CNTN5: variants seen among roughly 807,000 people sequenced by gnomAD.
CNTN5 encodes the protein contactin-5.
CNTN5 carries 77 observed loss-of-function variants against 129.1 expected under a neutral mutation model. The ratio of observed to expected loss-of-function variants is 0.60; its 90% CI spans 0.50 to 0.72. The LOEUF (loss-of-function observed/expected upper bound fraction) is 0.72. Among genes scored for constraint, CNTN5 ranks in the 30% least tolerant of loss-of-function variants. The pLI is 0.00. For missense variants in CNTN5, 1,478 were observed against 1,328.8 expected, an observed-to-expected ratio of 1.11 and a Z score of -1.75; for synonymous variants, 509 against 465.6, an observed-to-expected ratio of 1.09 and a Z score of -1.20.
intron 13 of CNTN5, among the ~76,000 whole-genome samples, chr11:100,151,521 G>C (rs1947055861): frequency 6.6e-6 from 1 of 152,056 alleles, no homozygotes; most frequent in Non-Finnish European, 1.5e-5. Flanking sequence ...ATTCTTTTTA[G>C]AATGCTTCTG....
intron 6 of CNTN5, among the ~76,000 whole-genome samples, chr11:99,914,261 A>C (rs978025637): frequency 6.6e-6 from 1 of 152,058 alleles, no homozygotes; most frequent in African/African-American, 2.4e-5. Context: ...TCCTGCCACA[A>C]CCACTGCCTA....
chr11:99,122,725 C>T (rs1858408544), intron 1 of CNTN5, among the ~76,000 whole-genome samples: 1 of 151,990 alleles, frequency 6.6e-6, no homozygotes, highest in African/African-American at 2.4e-5. Context: ...TACAACTAGG[C>T]TGCAATGTCT....
chr11:99,932,841 C>T (rs1302234487), intron 7 of CNTN5, among the ~76,000 whole-genome samples: 8 of 152,194 alleles, frequency 5.3e-5, no homozygotes, highest in African/African-American at 1.9e-4. Flanking sequence ...CCCCCTGCTT[C>T]CTCATTAGCA....
intron 3 of CNTN5, among the ~76,000 whole-genome samples, chr11:99,710,107 A>G (rs2134944964): frequency 6.6e-6 from 1 of 151,830 alleles, no homozygotes; most frequent in Middle Eastern, 3.4e-3. Flanking sequence ...CAGAGTTGCT[A>G]ATTTTATCCC....
intron 6 of CNTN5, among the ~76,000 whole-genome samples, chr11:99,912,308 GT>G (rs1395843411): frequency 2.0e-5 from 3 of 152,044 alleles, no homozygotes; most frequent in African/African-American, 7.2e-5. Context: ...TTCATGGTAT[GT>G]TTTTGGTCAC....
intron 13 of CNTN5, among the ~76,000 whole-genome samples, chr11:100,184,019 C>G (rs576838218): frequency 6.6e-6 from 1 of 152,252 alleles, no homozygotes; most frequent in South Asian, 2.1e-4. Flanking sequence ...CTTTCCCACA[C>G]TGAAGGATAA....
chr11:100,208,468 G>C (rs745547521), intron 15 of CNTN5, among the ~76,000 whole-genome samples: 2 of 152,114 alleles, frequency 1.3e-5, no homozygotes, highest in Non-Finnish European at 2.9e-5. Flanking sequence ...AAAGATCTCA[G>C]GGTTCTAAGA....
In CNTN5 at chr11:99,474,993, T is replaced by C. The variant is rs1162594973; in HGVS notation, c.-70-81152T>C. On this transcript the variant is annotated intron_variant, in intron 2 of 24. Coordinates refer to ENST00000524871, the MANE Select transcript of CNTN5 (RefSeq NM_014361.4). ...TAACAGTTTTAAGAGGTGGGTCTTA[T>C]AAGAAGTGACTAGACCATGTAAGAT... Among the ~76,000 whole-genome samples, 3 of 152,268 alleles carry C rather than the reference T, an allele frequency of 2.0e-5. No individual in the cohort carries two copies. In the East Asian group the frequency reaches 5.8e-4, roughly 29 times the overall value.
At chr11:100,298,160 A>G (rs1211467967) in intron 19 of CNTN5, among the ~76,000 whole-genome samples, 1 of 151,410 alleles carries the variant, frequency 6.6e-6, no homozygotes, top group Non-Finnish European at 1.5e-5. Flanking sequence ...GAGATCTTAG[A>G]ATATATAGAA....
At chr11:100,016,774 A>C (rs578138027) in intron 9 of CNTN5, among the ~76,000 whole-genome samples, 2 of 151,986 alleles carry the variant, frequency 1.3e-5, no homozygotes, top group East Asian at 3.9e-4. Flanking sequence ...ATTGAGAATG[A>C]ATATGCCGAG....
At chr11:100,177,557 C>T (rs915602153) in intron 13 of CNTN5, among the ~76,000 whole-genome samples, 1 of 152,090 alleles carries the variant, frequency 6.6e-6, no homozygotes, top group African/African-American at 2.4e-5. Flanking sequence ...CACTTCCAGC[C>T]ATTCAGTGAA....
At chr11:99,545,532 T>G (rs1948262093) in intron 2 of CNTN5, among the ~76,000 whole-genome samples, 1 of 152,202 alleles carries the variant, frequency 6.6e-6, no homozygotes, top group African/African-American at 2.4e-5. Flanking sequence ...TTTATTTCTC[T>G]TGCTAGAGAC....
At chr11:99,663,919 A>G (rs1952690309) in intron 3 of CNTN5, among the ~76,000 whole-genome samples, 1 of 152,184 alleles carries the variant, frequency 6.6e-6, no homozygotes, top group African/African-American at 2.4e-5. Context: ...TGTCCTTTTA[A>G]TAGCAATCAA....
chr11:99,229,868 G>T (rs1860896001), intron 1 of CNTN5, among the ~76,000 whole-genome samples: 1 of 151,882 alleles, frequency 6.6e-6, no homozygotes, highest in African/African-American at 2.4e-5. Flanking sequence ...CTTTAAAAAA[G>T]AGTATCTGTC....
chr11:99,338,450 G>GT (rs1171034143), intron 2 of CNTN5, among the ~76,000 whole-genome samples: 9 of 152,298 alleles, frequency 5.9e-5, no homozygotes, highest in African/African-American at 2.2e-4. Context: ...AGAATGAGGG[G>GT]TGGAGAATGT....
intron 1 of CNTN5, among the ~76,000 whole-genome samples, chr11:99,040,769 T>C (rs1190327368): frequency 6.6e-6 from 1 of 152,158 alleles, no homozygotes; most frequent in Non-Finnish European, 1.5e-5. Context: ...ATATCAATTT[T>C]TAAATGTTTT....
chr11:99,743,513 C>T (rs913468127), intron 3 of CNTN5, among the ~76,000 whole-genome samples: 5 of 152,092 alleles, frequency 3.3e-5, no homozygotes, highest in Admixed American at 1.3e-4. Flanking sequence ...GTTTCTTTAC[C>T]TATAAATTGC....
rs550501632 is a variant in CNTN5 at position 99,990,453 on chromosome 11, T to TACACACACACACACAC, written c.878-11580_878-11579insCACACACACACACACA. Among the ~76,000 whole-genome samples, 676 of 144,026 alleles carry TACACACACACACACAC rather than the reference T, an allele frequency of 4.7e-3. 7 individuals carry two copies. Among genetic ancestry groups the TACACACACACACACAC allele is most frequent in the African/African-American group, 0.016 (598 of 38,146 alleles). The allele number at this position is 144,026 out of a possible 152,430, so 94.5% of individuals were successfully genotyped here. On this transcript the variant is annotated intron_variant, in intron 8 of 24. Coordinates refer to ENST00000524871, the MANE Select transcript of CNTN5 (RefSeq NM_014361.4). ...TTCCCTTATTTTTAGAATATATATA[T>TACACACACACACACAC]ATACACACACACACACACACACACA...
chr11:99,043,848 C>T lies in CNTN5; in HGVS notation c.-210+22578C>T, dbSNP rs1432331522. Among the ~76,000 whole-genome samples, 4 of 152,116 alleles carry T rather than the reference C, an allele frequency of 2.6e-5. No homozygotes were observed. The East Asian group carries it at 7.7e-4, about 29-fold the overall frequency. On this transcript the variant is annotated intron_variant, in intron 1 of 24. Transcript: ENST00000524871. ...ATTCTGCCAGCATTGATTCAGAATGCCACCTGTAGTAGCCTGGCCTCTGTA... is the reference window on the plus strand; with the variant it reads ...ATTCTGCCAGCATTGATTCAGAATGTCACCTGTAGTAGCCTGGCCTCTGTA...
Sources: allele counts gnomAD v4.1 joint callset (sites outside exome capture counted in the v4.1 genomes callset), GRCh38; gene constraint gnomAD v4.1.1; transcripts MANE v1.5; gene names NCBI Gene and HGNC (gene_info 2026-07-23, HGNC 2026-07-21).